MYO1H: variants seen among roughly 807,000 people sequenced by gnomAD.
MYO1H encodes the protein myosin IH.
In MYO1H, 118 loss-of-function variants were observed where a neutral mutation model predicts 149.3. The ratio of observed to expected loss-of-function variants is 0.79; its 90% CI spans 0.68 to 0.92. The LOEUF is 0.92. MYO1H is among the 40% of genes least tolerant of loss of function. The probability of loss-of-function intolerance (pLI) is 0.00; values close to 1 mark genes in which losing one functional copy is unlikely to be tolerated. For missense variants in MYO1H, 1,212 were observed against 1,280.7 expected (o/e 0.95, Z 0.82); for synonymous variants, 447 against 465.2 (o/e 0.96, Z 0.50).
intron 1 of MYO1H, among the ~76,000 whole-genome samples, chr12:109,382,297 T>C (rs939334139): frequency 6.6e-6 from 1 of 152,184 alleles, no homozygotes; most frequent in Non-Finnish European, 1.5e-5. Context: ...AAGACAGACA[T>C]GTTAAATGAC....
At chr12:109,375,941 T>C (rs1869078487) in intron 1 of MYO1H, among the ~76,000 whole-genome samples, 2 of 152,192 alleles carry the variant, frequency 1.3e-5, no homozygotes, top group Non-Finnish European at 2.9e-5. Flanking sequence ...ATAGCACCAC[T>C]ACACTTCGGC....
At chr12:109,398,831 C>T (rs889223797) in intron 5 of MYO1H, among the ~76,000 whole-genome samples, 2 of 149,516 alleles carry the variant, frequency 1.3e-5, no homozygotes, top group Non-Finnish European at 1.5e-5. Flanking sequence ...CACTCTTTTT[C>T]GGATACAGCC....
chr12:109,422,576 C>T (rs1233397672), intron 16 of MYO1H, among the ~76,000 whole-genome samples: 1 of 152,180 alleles, frequency 6.6e-6, no homozygotes, highest in Non-Finnish European at 1.5e-5. Flanking sequence ...GTCAGCTTCA[C>T]AAACCAATCC....
the MYO1H span, among the ~76,000 whole-genome samples, chr12:109,339,917 A>G: frequency 6.6e-6 from 1 of 152,240 alleles, no homozygotes. Flanking sequence ...GTTTAGCAAA[A>G]TAATAAATGT....
intron 5 of MYO1H, among the ~76,000 whole-genome samples, 161 bp from the exon 6 acceptor site, chr12:109,400,932 C>A (rs1870133095): frequency 6.6e-6 from 1 of 151,786 alleles, no homozygotes; most frequent in African/African-American, 2.4e-5. Context: ...TAAACAGAAC[C>A]CAGGAAATAC....
chr12:109,318,983 T>TTTTATGTTTTTTTTGTTTTTTTTG, the MYO1H span, among the ~76,000 whole-genome samples: 1 of 144,824 alleles, frequency 6.9e-6, no homozygotes, highest in African/African-American at 2.6e-5. Context: ...TTTTTTTTTT[T>TTTTATGTTTTTTTTGTTTTTTTTG]TTTTTTTTTT....
upstream of MYO1H, among the ~76,000 whole-genome samples, chr12:109,345,881 G>A (rs1359329066): frequency 2.0e-5 from 3 of 152,172 alleles, no homozygotes; most frequent in Non-Finnish European, 2.9e-5. Context: ...GTGTTCATAT[G>A]AAATGTCCAT....
chr12:109,313,978 C>T, the MYO1H span, among the ~76,000 whole-genome samples: 4 of 151,916 alleles, frequency 2.6e-5, no homozygotes, highest in African/African-American at 7.3e-5. Flanking sequence ...TCTGCCTCCC[C>T]GGTTCAAGTG....
At chr12:109,408,051 T>G in intron 10 of MYO1H, 138 bp downstream of exon 10, 1 of 1,081,856 alleles carries the variant, frequency 9.2e-7, no homozygotes, top group Non-Finnish European at 1.4e-6. Context: ...CCTATTCACA[T>G]TTCCCATGTC....
chr12:109,360,869 CAAT>C (rs1215078843), intron 1 of MYO1H, among the ~76,000 whole-genome samples: 2 of 152,160 alleles, frequency 1.3e-5, no homozygotes, highest in Non-Finnish European at 2.9e-5. Flanking sequence ...GAAATAGAAA[CAAT>C]AATCTACACT....
chr12:109,444,723 C>A (rs557196343), intron 30 of MYO1H, among the ~76,000 whole-genome samples, 194 bp downstream of exon 30: 5 of 151,998 alleles, frequency 3.3e-5, no homozygotes, highest in African/African-American at 1.2e-4. Context: ...AAAGATTAGC[C>A]GGGTTTGGTG....
chr12:109,381,141 A>G lies in MYO1H; in HGVS notation c.13-7542A>G, dbSNP rs1474384782. On this transcript the variant is annotated intron_variant, in intron 1 of 31. Transcript: ENST00000310903. Reference sequence around the variant, plus strand: ...TACCATCTACCCACTCAAAGAAACCAGAGTTCATTGGAGAAAAGACAGATT... The same window carrying G: ...TACCATCTACCCACTCAAAGAAACCGGAGTTCATTGGAGAAAAGACAGATT... Among the ~76,000 whole-genome samples, 4 of 152,236 alleles carry G rather than the reference A, an allele frequency of 2.6e-5. No homozygotes were observed. In the East Asian group the frequency reaches 7.7e-4, roughly 29 times the overall value.
At chr12:109,397,848 C>A in intron 5 of MYO1H, 36 bp downstream of exon 5, 1 of 1,513,138 alleles carries the variant, frequency 6.6e-7, no homozygotes, top group Non-Finnish European at 9.0e-7. Context: ...TCATGGGGAC[C>A]CCTTATTTTG....
At chr12:109,406,491 AAAAAAAAAATT>A (rs1870398549) in intron 8 of MYO1H, among the ~76,000 whole-genome samples, 1 of 147,466 alleles carries the variant, frequency 6.8e-6, no homozygotes, top group Non-Finnish European at 1.5e-5. Flanking sequence ...AAAAAAAAAA[AAAAAAAAAATT>A]AGCTATGAAT....
At chr12:109,405,951 A>C in exon 8 of MYO1H, 1 of 1,613,262 alleles carries the variant, frequency 6.2e-7, no homozygotes, top group Non-Finnish European at 8.5e-7. Context: ...CCAGTGTCTT[A>C]CACCTGGGGA....
intron 1 of MYO1H, among the ~76,000 whole-genome samples, chr12:109,352,681 A>G (rs1868490090): frequency 6.6e-6 from 1 of 152,094 alleles, no homozygotes; most frequent in Non-Finnish European, 1.5e-5. Context: ...TCTACCATTA[A>G]CCTATTACTT....
At chr12:109,420,984 T>C (rs1871149797) in exon 16 of MYO1H, 1 of 1,575,572 alleles carries the variant, frequency 6.3e-7, no homozygotes, top group Non-Finnish European at 8.7e-7. Context: ...TTTACAGGAT[T>C]CTTGGAAAAA....
At chr12:109,381,683 A>G (rs1221950855) in intron 1 of MYO1H, among the ~76,000 whole-genome samples, 1 of 151,992 alleles carries the variant, frequency 6.6e-6, no homozygotes, top group Admixed American at 6.6e-5. Context: ...GTGCAAGCCT[A>G]TAATCCCAGC....
chr12:109,399,591 CAAAA>C (rs34417905), intron 5 of MYO1H, among the ~76,000 whole-genome samples: 23,926 of 69,446 alleles, frequency 0.34, 2,445 homozygotes, highest in Admixed American at 0.46. Context: ...GACTCTGTCT[CAAAA>C]AAAAAAAAAA....
Sources: gnomAD v4.1 joint callset for allele counts (sites outside exome capture counted in the v4.1 genomes callset) on GRCh38, gnomAD v4.1.1 for gene constraint, MANE v1.5 for transcripts, NCBI Gene and HGNC (gene_info 2026-07-23, HGNC 2026-07-21) for gene names.